Variants in NOP9 observed in about 807,000 individuals in gnomAD.
NOP9 encodes the protein nucleolar protein 9.
NOP9 carries 50 observed loss-of-function variants against 63.0 expected under a neutral mutation model. The observed-to-expected ratio is 0.79, with a 90% CI of 0.63 to 1.00. The LOEUF (loss-of-function observed/expected upper bound fraction) is 1.00. Among genes scored for constraint, NOP9 ranks in the 50% least tolerant of loss-of-function variants. The pLI, the probability that NOP9 is intolerant of heterozygous loss-of-function variation, is 0.00. For missense variants in NOP9, 758 were observed against 803.0 expected (o/e 0.94, Z 0.68); for synonymous variants, 343 against 332.8 (o/e 1.03, Z -0.33).
At chr14:24,299,277 A>G (rs906510740), upstream of NOP9, 2 of 729,310 alleles carry the variant, frequency 2.7e-6, no homozygotes, top group African/African-American at 3.6e-5. Context: ...AGAGGCTGAC[A>G]ACTGGGTGCG....
At chr14:24,294,301 G>A in the NOP9 span, 1 of 151,998 alleles carries the variant, frequency 6.6e-6, no homozygotes, top group Non-Finnish European at 1.5e-5. Context: ...TAAAGAGCAG[G>A]GCGAGGCTGA....
chr14:24,305,961 T>C lies in NOP9; in HGVS notation c.*866T>C. The C allele has an allele frequency of 6.2e-7, 1 of 1,613,746 alleles. No individual in the cohort carries two copies. Among genetic ancestry groups the C allele is most frequent in the Non-Finnish European group, 8.5e-7 (1 of 1,179,782 alleles). ...TGATTTCTGACCTGAGTACTTTCTT[T>C]GGGCCAAGTCCTTGAAAGTCACAAC... On this transcript the variant is annotated 3_prime_UTR_variant, in exon 10 of 10. Coordinates refer to ENST00000267425, the MANE Select transcript of NOP9 (RefSeq NM_174913.3).
At position 24,304,521 on chromosome 14, in the gene NOP9, G is replaced by A. The variant is rs537780930; in HGVS notation, c.1676G>A (p.Arg559His). ...CAATATGTGGCTCTGGCCTGTAGTCGCCATGGCAGCCGTGTGCTAGATGCC... is the reference window on the plus strand; with the variant it reads ...CAATATGTGGCTCTGGCCTGTAGTCACCATGGCAGCCGTGTGCTAGATGCC... ...KGQYVALACS[R>H]HGSRVLDAIW... The change falls in exon 9 of 10, where the codon CGC (arginine) becomes CAC (histidine). Residue 559 changes from arginine (R) to histidine (H), a missense_variant. Arg to His is a conservative substitution (Grantham distance 29). Coordinates refer to ENST00000267425, the MANE Select transcript of NOP9 (RefSeq NM_174913.3). The A allele has an allele frequency of 5.0e-5, 81 of 1,612,778 alleles. No individual in the cohort carries two copies. Among genetic ancestry groups the A allele is most frequent in the Non-Finnish European group, 6.4e-5 (75 of 1,179,628 alleles).
In NOP9 at chr14:24,302,385, T is replaced by G. The variant is rs754399970; in HGVS notation, c.1104T>G (p.Pro368=). 1.2e-6 allele frequency: 2 copies of G among 1,613,594 alleles called. No homozygotes were observed. The highest frequency in any genetic ancestry group is 4.5e-5 in the East Asian group (2 of 44,886). The change falls in exon 5 of 10, where the codon CCT becomes CCG. Residue 368 remains proline (P), a synonymous_variant. Coordinates refer to ENST00000267425, the MANE Select transcript of NOP9 (RefSeq NM_174913.3). ...TLAAHPIANF[P]LQRLLDAVTT... The stretch of plus-strand genomic sequence containing the variant: ...CTGCACATCCCATTGCCAACTTCCC[T>G]TTGCAGCGCTTACTGGATGCAGTCA...
At chr14:24,297,538 A>G (rs567319936), upstream of NOP9, among the ~76,000 whole-genome samples, 1 of 152,206 alleles carries the variant, frequency 6.6e-6, no homozygotes, top group East Asian at 1.9e-4. Flanking sequence ...ATGCCTCCCA[A>G]CGACTCACCT....
the NOP9 span, among the ~76,000 whole-genome samples, chr14:24,276,376 C>CAAA: frequency 3.7e-4 from 43 of 115,380 alleles, no homozygotes; most frequent in Non-Finnish European, 6.8e-4. Context: ...GACTCGGTCT[C>CAAA]AAAAAAAAAA....
rs79529000 is a variant in NOP9 at position 24,300,094 on chromosome 14, C to T, written c.140C>T (p.Ser47Leu). The T allele has an allele frequency of 6.8e-5, 109 of 1,613,234 alleles. No individual in the cohort carries two copies. The highest frequency in any genetic ancestry group is 2.9e-4 in the African/African-American group (22 of 75,052). ...CCCTGGCCGCCTCCGGATGGGCGCT[C>T]GGAGCCGGCTCCAGATTCGCACCCG... ...RQPWPPPDGR[S>L]EPAPDSHPHL... is the part of the protein sequence containing the mutation. Residue 47 changes from serine (S) to leucine (L), a missense_variant, in exon 1 of 10, where the codon TCG (serine) becomes TTG (leucine). Ser to Leu is a moderately radical substitution (Grantham distance 145, BLOSUM62 -2). Transcript: ENST00000267425.
the NOP9 span, among the ~76,000 whole-genome samples, chr14:24,288,060 T>G: frequency 2.0e-5 from 3 of 152,204 alleles, no homozygotes; most frequent in Admixed American, 6.5e-5. Context: ...TGACTGAAAC[T>G]TGTCAGAGAG....
chr14:24,307,449 T>G lies in NOP9; in HGVS notation c.*2354T>G. On this transcript the variant is annotated 3_prime_UTR_variant, in exon 10 of 10. Transcript: ENST00000267425. ...GCTTGTGATCACAGACACGGAAAGG[T>G]CGCTGGGGTGGTGGAGCTGAGGTCC... 6.2e-7 allele frequency: 1 copy of G among 1,613,902 alleles called. No individual in the cohort carries two copies. The highest frequency in any genetic ancestry group is 8.5e-7 in the Non-Finnish European group (1 of 1,179,958).
At chr14:24,274,148 T>A in the NOP9 span, among the ~76,000 whole-genome samples, 6 of 152,084 alleles carry the variant, frequency 3.9e-5, no homozygotes, top group African/African-American at 1.4e-4. Context: ...GGTGGTCACC[T>A]CCTTCTCTAG....
At position 24,303,763 on chromosome 14, in the gene NOP9, A is replaced by G. The variant is rs1182315263; in HGVS notation, c.1316A>G (p.Gln439Arg). The G allele has an allele frequency of 6.2e-7, 1 of 1,614,186 alleles. No individual in the cohort carries two copies. Among genetic ancestry groups the G allele is most frequent in the Non-Finnish European group, 8.5e-7 (1 of 1,180,014 alleles). Residue 439 changes from glutamine (Q) to arginine (R), a missense_variant, in exon 7 of 10, where the codon CAA (glutamine) becomes CGA (arginine). Coordinates refer to ENST00000267425, the MANE Select transcript of NOP9 (RefSeq NM_174913.3). Reference protein sequence around the residue: ...AFHCAEPSSRQVACVPLFATL... With the variant: ...AFHCAEPSSRRVACVPLFATL... ...CACTGTGCAGAGCCCTCATCCCGGC[A>G]AGTGGCCTGTGTGCCTCTCTTTGCC...
upstream of NOP9, chr14:24,299,835 C>A: frequency 7.8e-7 from 1 of 1,287,410 alleles, no homozygotes; most frequent in Non-Finnish European, 1.0e-6. Flanking sequence ...GACGTAGTAG[C>A]TGCGTCAGGA....
chr14:24,280,562 A>G, the NOP9 span, among the ~76,000 whole-genome samples: 1 of 152,226 alleles, frequency 6.6e-6, no homozygotes, highest in Non-Finnish European at 1.5e-5. Context: ...TGGTTGCTCA[A>G]CTAACGTTAA....
chr14:24,296,664 G>C, upstream of NOP9: 1 of 1,613,486 alleles, frequency 6.2e-7, no homozygotes, highest in Non-Finnish European at 8.5e-7. Flanking sequence ...AAGGGACAAT[G>C]AGTGGGGATG....
the NOP9 span, among the ~76,000 whole-genome samples, chr14:24,289,514 GCTC>G: frequency 3.3e-5 from 5 of 152,304 alleles, no homozygotes; most frequent in East Asian, 9.6e-4. Flanking sequence ...AACTGCCTGT[GCTC>G]CTCATCAACC....
At chr14:24,288,551 T>C in the NOP9 span, among the ~76,000 whole-genome samples, 10 of 152,274 alleles carry the variant, frequency 6.6e-5, no homozygotes, top group East Asian at 1.9e-3. Flanking sequence ...GGTTTCACCA[T>C]GTTGGCCAGG....
At chr14:24,299,011 G>A (rs374418159), upstream of NOP9, 117 of 1,613,874 alleles carry the variant, frequency 7.2e-5, no homozygotes, top group Non-Finnish European at 9.8e-5. Context: ...TGTAAACTGT[G>A]GCGCCTGCTT....
Position 24,307,919 on chromosome 14 carries a change from G to C in NOP9, c.*2824G>C, listed in dbSNP as rs2041571124. On this transcript the variant is annotated 3_prime_UTR_variant, in exon 10 of 10. Coordinates refer to ENST00000267425, the MANE Select transcript of NOP9 (RefSeq NM_174913.3). ...GCTGGGTGGTTCTCTCCTGTGCTGG[G>C]GCTTTAGTGGTGTTTTCTGTTACAA... The C allele has an allele frequency of 2.1e-6, 3 of 1,428,648 alleles. No individual in the cohort carries two copies. The Admixed American group carries it at 5.9e-5, about 28-fold the overall frequency. 88.5% of individuals were successfully genotyped at this position (1,428,648 alleles called of 1,614,324 possible).
the NOP9 span, among the ~76,000 whole-genome samples, chr14:24,285,709 C>T: frequency 6.6e-6 from 1 of 152,256 alleles, no homozygotes; most frequent in Admixed American, 6.5e-5. Flanking sequence ...ACAGGCTGGG[C>T]ACGGTAATTT....
Sources: allele counts gnomAD v4.1 joint callset (sites outside exome capture counted in the v4.1 genomes callset), GRCh38; gene constraint gnomAD v4.1.1; transcripts MANE v1.5; gene names NCBI Gene and HGNC (gene_info 2026-07-23, HGNC 2026-07-21).